NOX4: variants seen among roughly 807,000 people sequenced by gnomAD.
The protein encoded by NOX4 is NADPH oxidase 4.
Under a neutral mutation model 87.6 loss-of-function variants are expected in NOX4, and 69 were observed. That is an observed-to-expected ratio of 0.79 (90% confidence interval 0.65 to 0.96). The LOEUF (loss-of-function observed/expected upper bound fraction) is 0.96. NOX4 is among the 40% of genes least tolerant of loss of function. The pLI, the probability that NOX4 is intolerant of heterozygous loss-of-function variation, is 0.00. For synonymous variants in NOX4, 275 were observed against 238.2 expected (o/e 1.15, Z -1.42); for missense variants, 680 against 681.5 (o/e 1.00, Z 0.02).
In NOX4 at chr11:89,449,562, A is replaced by G. The variant is rs760958716; in HGVS notation, c.265-38T>C. ...CATTTAATATGGTAAAAATAATGCAACAAATGTGATAAAAGTTTTTCAGTA... is the reference window on the plus strand; with the variant it reads ...CATTTAATATGGTAAAAATAATGCAGCAAATGTGATAAAAGTTTTTCAGTA... On this transcript the variant is annotated intron_variant, in intron 3 of 17. Transcript: ENST00000263317. The G allele has an allele frequency of 4.6e-6, 7 of 1,507,604 alleles. No individual in the cohort carries two copies. The East Asian group carries it at 1.6e-4, about 34-fold the overall frequency. 93.4% of individuals were successfully genotyped at this position (1,507,604 alleles called of 1,614,324 possible).
At chr11:89,548,463 T>C in the NOX4 span, 3 of 152,292 alleles carry the variant, frequency 2.0e-5, no homozygotes, top group African/African-American at 7.2e-5. Flanking sequence ...TCAATGATAC[T>C]TTGTTGTAGT....
chr11:89,573,895 G>A, the NOX4 span, among the ~76,000 whole-genome samples: 1 of 152,074 alleles, frequency 6.6e-6, no homozygotes, highest in Non-Finnish European at 1.5e-5. Context: ...AAGTGAGCAC[G>A]TGCACTGTCT....
At chr11:89,418,312 A>G (rs962793423) in intron 8 of NOX4, among the ~76,000 whole-genome samples, 4 of 151,434 alleles carry the variant, frequency 2.6e-5, no homozygotes, top group African/African-American at 9.7e-5. Flanking sequence ...AGTGGTTAAG[A>G]ATGTTAATTT....
At chr11:89,497,503 G>T (rs1946970639) in intron 1 of NOX4, among the ~76,000 whole-genome samples, 1 of 152,090 alleles carries the variant, frequency 6.6e-6, no homozygotes, top group African/African-American at 2.4e-5. Flanking sequence ...AAAAACATTG[G>T]AATTGGAAGA....
the NOX4 span, among the ~76,000 whole-genome samples, chr11:89,585,205 C>T: frequency 6.6e-6 from 1 of 152,084 alleles, no homozygotes; most frequent in Non-Finnish European, 1.5e-5. Flanking sequence ...CAAAGATAAG[C>T]TTTTCAGTTT....
Position 89,342,119 on chromosome 11 carries a change from C to T in NOX4, c.1292G>A (p.Gly431Glu), listed in dbSNP as rs974040085. 6.2e-7 allele frequency: 1 copy of T among 1,613,084 alleles called. No individual in the cohort carries two copies. The highest frequency in any genetic ancestry group is 8.5e-7 in the Non-Finnish European group (1 of 1,179,264). ...LNYEVSLCVA[G>E]GIGVTPFASI... is the part of the protein sequence containing the mutation. The stretch of plus-strand genomic sequence containing the variant: ...TGCAAATGGAGTTACTCCAATGCCT[C>T]CAGCCACGCAGAGGCTGACCTCATA... The change falls in exon 14 of 18, where the codon GGA becomes GAA. Residue 431 changes from glycine (G) to glutamate (E), a missense_variant. Transcript: ENST00000263317.
At chr11:89,498,671 G>A (rs1227548896), upstream of NOX4, 4 of 152,162 alleles carry the variant, frequency 2.6e-5, no homozygotes, top group African/African-American at 7.2e-5. Flanking sequence ...AAAAGAATTC[G>A]GCAGGAGGGC....
the NOX4 span, among the ~76,000 whole-genome samples, chr11:89,567,828 C>A: frequency 3.9e-5 from 6 of 152,330 alleles, no homozygotes; most frequent in Admixed American, 2.0e-4. Flanking sequence ...CATAACCCAG[C>A]CCCTGCTGGT....
the NOX4 span, among the ~76,000 whole-genome samples, chr11:89,539,611 C>T: frequency 3.3e-5 from 5 of 152,108 alleles, no homozygotes; most frequent in South Asian, 6.2e-4. Flanking sequence ...CTTCCTCACC[C>T]ACCCTCTTTC....
chr11:89,397,393 A>G (rs1315719066), intron 11 of NOX4, among the ~76,000 whole-genome samples: 1 of 152,198 alleles, frequency 6.6e-6, no homozygotes, highest in Non-Finnish European at 1.5e-5. Context: ...GCACCCTAAT[A>G]TCACAATTAA....
At chr11:89,424,035 T>C (rs1374104207) in intron 7 of NOX4, among the ~76,000 whole-genome samples, 2 of 152,006 alleles carry the variant, frequency 1.3e-5, no homozygotes, top group Non-Finnish European at 2.9e-5. Flanking sequence ...ATCTTATCAC[T>C]GTATTCCAGC....
chr11:89,567,747 G>A, the NOX4 span, among the ~76,000 whole-genome samples: 1 of 152,140 alleles, frequency 6.6e-6, no homozygotes, highest in Non-Finnish European at 1.5e-5. Context: ...AATTCAATAT[G>A]AGATTTGGGT....
intron 4 of NOX4, among the ~76,000 whole-genome samples, chr11:89,449,101 C>G (rs533429750): frequency 6.6e-6 from 1 of 152,116 alleles, no homozygotes; most frequent in Admixed American, 6.6e-5. Flanking sequence ...TGTAGACAAC[C>G]CTTTTCAAAA....
chr11:89,424,380 T>A (rs1943258238), intron 7 of NOX4, among the ~76,000 whole-genome samples: 1 of 150,962 alleles, frequency 6.6e-6, no homozygotes, highest in Admixed American at 6.6e-5. Flanking sequence ...TTACCATTAT[T>A]TCCAGAAAAA....
chr11:89,519,553 A>C, the NOX4 span, among the ~76,000 whole-genome samples: 2 of 152,068 alleles, frequency 1.3e-5, no homozygotes, highest in Non-Finnish European at 2.9e-5. Flanking sequence ...TTTTCCAACA[A>C]AATAAATTAA....
intron 6 of NOX4, among the ~76,000 whole-genome samples, chr11:89,438,776 T>A (rs1944251250): frequency 6.6e-5 from 2 of 30,382 alleles, no homozygotes; most frequent in African/African-American, 1.3e-4. Flanking sequence ...AATATAATAA[T>A]ATAATAATAT....
chr11:89,417,115 G>A (rs1942825313), intron 8 of NOX4, among the ~76,000 whole-genome samples: 1 of 152,124 alleles, frequency 6.6e-6, no homozygotes, highest in Non-Finnish European at 1.5e-5. Context: ...GCCAGTGGGA[G>A]TGTTGACTAT....
chr11:89,588,489 T>G, the NOX4 span, among the ~76,000 whole-genome samples: 1 of 152,034 alleles, frequency 6.6e-6, no homozygotes, highest in African/African-American at 2.4e-5. Flanking sequence ...AAGTTTCCCT[T>G]GAAACCATGC....
intron 17 of NOX4, among the ~76,000 whole-genome samples, chr11:89,327,270 T>G (rs533423258): frequency 6.6e-6 from 1 of 152,316 alleles, no homozygotes; most frequent in East Asian, 1.9e-4. Flanking sequence ...CACACTGAAC[T>G]ATGTACATTC....
Sources: gnomAD v4.1 joint callset for allele counts (sites outside exome capture counted in the v4.1 genomes callset) on GRCh38, gnomAD v4.1.1 for gene constraint, MANE v1.5 for transcripts, NCBI Gene and HGNC (gene_info 2026-07-23, HGNC 2026-07-21) for gene names.